ETV6: variants seen among roughly 807,000 people sequenced by gnomAD.
ETV6 encodes the protein transcription factor ETV6.
Under a neutral mutation model 51.1 loss-of-function variants are expected in ETV6, and 16 were observed. The ratio of observed to expected loss-of-function variants is 0.31; its 90% CI spans 0.21 to 0.48. The LOEUF (loss-of-function observed/expected upper bound fraction) is 0.48. ETV6 is among the 20% of genes least tolerant of loss of function. The pLI is 0.99. For synonymous variants in ETV6, 240 were observed against 224.1 expected (o/e 1.07, Z -0.64); for missense variants, 458 against 594.8 (o/e 0.77, Z 2.39).
chr12:11,791,259 C>G (rs1427622453), intron 2 of ETV6, among the ~76,000 whole-genome samples: 1 of 152,022 alleles, frequency 6.6e-6, no homozygotes, highest in African/African-American at 2.4e-5. Flanking sequence ...TGTCTTTGTC[C>G]TTGTAGATTT....
chr12:11,679,830 A>G (rs7304157), intron 1 of ETV6, among the ~76,000 whole-genome samples: 4,132 of 152,216 alleles, frequency 0.027, 170 homozygotes, highest in African/African-American at 0.094. Flanking sequence ...TAGGAGAGTT[A>G]CCCCATTTCT....
chr12:11,832,738 G>A (rs1029867788), intron 2 of ETV6, among the ~76,000 whole-genome samples: 12 of 152,216 alleles, frequency 7.9e-5, no homozygotes, highest in South Asian at 2.1e-4. Context: ...AAGGCGTTTC[G>A]TTGAATTTCT....
chr12:11,837,336 A>G (rs1342163558), intron 2 of ETV6, among the ~76,000 whole-genome samples: 2 of 152,192 alleles, frequency 1.3e-5, no homozygotes, highest in Non-Finnish European at 2.9e-5. Context: ...AAGCTCTTAA[A>G]TGCTCATCTC....
chr12:11,884,665 C>T (rs1947159217), intron 6 of ETV6, 78 bp downstream of exon 6: 2 of 1,558,726 alleles, frequency 1.3e-6, no homozygotes, highest in Admixed American at 1.7e-5. Context: ...GGATAATCGT[C>T]TGTCTTCTGC....
intron 1 of ETV6, among the ~76,000 whole-genome samples, chr12:11,709,661 G>T (rs1865137147): frequency 1.3e-5 from 2 of 152,226 alleles, no homozygotes; most frequent in South Asian, 4.1e-4. Flanking sequence ...TTCTGTGAAG[G>T]TATTTATGGA....
chr12:11,826,086 T>C (rs181453991), intron 2 of ETV6, among the ~76,000 whole-genome samples: 120 of 152,242 alleles, frequency 7.9e-4, no homozygotes, highest in African/African-American at 2.6e-3. Flanking sequence ...TCCTCTCACA[T>C]TGGCTTCCCA....
intron 5 of ETV6, among the ~76,000 whole-genome samples, chr12:11,870,653 G>A (rs1946868253): frequency 6.6e-6 from 1 of 152,154 alleles, no homozygotes; most frequent in African/African-American, 2.4e-5. Flanking sequence ...CATGTGACAA[G>A]GTTAGCTCTT....
chr12:11,782,548 A>G (rs1464686639), intron 2 of ETV6, among the ~76,000 whole-genome samples: 1 of 152,162 alleles, frequency 6.6e-6, no homozygotes, highest in Non-Finnish European at 1.5e-5. Flanking sequence ...TAATAGGCTC[A>G]TATTTTGTTT....
intron 1 of ETV6, among the ~76,000 whole-genome samples, chr12:11,681,115 A>C (rs2541113): frequency 0.8 from 121,478 of 152,128 alleles, 52,111 homozygotes; most frequent in Non-Finnish European, 0.95. Context: ...ATTTCTTTCT[A>C]ATATGGATGG....
At chr12:11,827,756 A>C (rs1001694272) in intron 2 of ETV6, among the ~76,000 whole-genome samples, 1 of 152,196 alleles carries the variant, frequency 6.6e-6, no homozygotes, top group Admixed American at 6.5e-5. Context: ...CAGAATGAGA[A>C]TGAGTTTTAC....
At chr12:11,737,022 C>A (rs1459402979) in intron 1 of ETV6, among the ~76,000 whole-genome samples, 6 of 152,168 alleles carry the variant, frequency 3.9e-5, no homozygotes, top group African/African-American at 1.4e-4. Flanking sequence ...ATAACCTTCC[C>A]CCCTGGGTGT....
At chr12:11,673,975 A>G (rs879257142) in intron 1 of ETV6, among the ~76,000 whole-genome samples, 7 of 152,192 alleles carry the variant, frequency 4.6e-5, no homozygotes, top group Non-Finnish European at 7.3e-5. Flanking sequence ...TCTTCTACCA[A>G]TGCAAATCTA....
intron 1 of ETV6, among the ~76,000 whole-genome samples, chr12:11,681,374 A>G (rs750799502): frequency 6.6e-6 from 1 of 152,140 alleles, no homozygotes; most frequent in Non-Finnish European, 1.5e-5. Flanking sequence ...TTTGGTTTCT[A>G]TGTATCATAA....
At chr12:11,890,187 C>T (rs1947265811) in intron 7 of ETV6, among the ~76,000 whole-genome samples, 1 of 138,844 alleles carries the variant, frequency 7.2e-6, no homozygotes, top group Non-Finnish European at 1.5e-5. Context: ...GTCCTATTGT[C>T]AGCATTTTTC....
chr12:11,690,937 CCAACTATGTAGT>C (rs1384864309), intron 1 of ETV6, among the ~76,000 whole-genome samples: 1 of 131,700 alleles, frequency 7.6e-6, no homozygotes, highest in Non-Finnish European at 1.7e-5. Flanking sequence ...AGTGTAATAA[CCAACTATGTAGT>C]CACTTCAGGC....
rs1565555150 is a variant in ETV6, at chr12:11,859,118, G to GCTTTTTTTTTTTTTTTTT, written c.463+5557_463+5558insCTTTTTTTTTTTTTTTTT. Among the ~76,000 whole-genome samples, 63 of 41,798 alleles carry GCTTTTTTTTTTTTTTTTT rather than the reference G, an allele frequency of 1.5e-3. 28 individuals carry two copies. Among genetic ancestry groups the GCTTTTTTTTTTTTTTTTT allele is most frequent in the South Asian group, 5.3e-3 (4 of 760 alleles). 27.4% of individuals were successfully genotyped at this position (41,798 alleles called of 152,430 possible). On this transcript the variant is annotated intron_variant, in intron 4 of 7. Transcript: ENST00000396373. ...TAAAGAAGATGAGGTATATGAATCT[G>GCTTTTTTTTTTTTTTTTT]GTTTTTTTTTTTTTTTTTTTTTTTT...
At position 11,885,152 on chromosome 12, in the gene ETV6, T is replaced by C. The variant is rs558635465; in HGVS notation, c.1152+565T>C. Among the ~76,000 whole-genome samples, 12 of 152,290 alleles carry C rather than the reference T, an allele frequency of 7.9e-5. No individual in the cohort carries two copies. In the East Asian group the frequency reaches 1.9e-3, roughly 24 times the overall value. On this transcript the variant is annotated intron_variant, in intron 6 of 7. Coordinates refer to ENST00000396373, the MANE Select transcript of ETV6 (RefSeq NM_001987.5). ...TAAGGAAGACTGCTCAAGTGCGCAGTTGTAAAAAGCGGGTAACCGTGATCC... is the reference window on the plus strand; with the variant it reads ...TAAGGAAGACTGCTCAAGTGCGCAGCTGTAAAAAGCGGGTAACCGTGATCC...
At chr12:11,676,050 T>C (rs1157668910) in intron 1 of ETV6, among the ~76,000 whole-genome samples, 2 of 152,216 alleles carry the variant, frequency 1.3e-5, no homozygotes, top group African/African-American at 4.8e-5. Flanking sequence ...ATTCCTTGCC[T>C]TTTATTTCTT....
intron 2 of ETV6, among the ~76,000 whole-genome samples, chr12:11,833,422 T>C (rs1195642231): frequency 6.6e-6 from 1 of 152,194 alleles, no homozygotes; most frequent in African/African-American, 2.4e-5. Flanking sequence ...GAAATAGAGG[T>C]TCCATGCTTG....
Sources: allele counts gnomAD v4.1 joint callset (sites outside exome capture counted in the v4.1 genomes callset), GRCh38; gene constraint gnomAD v4.1.1; transcripts MANE v1.5; gene names NCBI Gene and HGNC (gene_info 2026-07-23, HGNC 2026-07-21).